Variants in HAVCR2 observed in about 807,000 individuals in gnomAD.
The protein encoded by HAVCR2 is hepatitis A virus cellular receptor 2, also known as T cell immunoglobulin mucin 3.
In HAVCR2, 13 loss-of-function variants were observed where a neutral mutation model predicts 24.7. The observed-to-expected ratio is 0.53, with a 90% CI of 0.34 to 0.84. The LOEUF (loss-of-function observed/expected upper bound fraction) is 0.84, where lower values mean the gene tolerates loss of function less well. Ranked by LOEUF, HAVCR2 falls within the 40% of genes least tolerant of loss-of-function variation. The pLI is 0.01. For synonymous variants in HAVCR2, 154 were observed against 143.4 expected, an observed-to-expected ratio of 1.07 and a Z score of -0.53; for missense variants, 343 against 371.2, an observed-to-expected ratio of 0.92 and a Z score of 0.62.
rs372946929 is a variant in HAVCR2 at position 157,106,756 on chromosome 5, G to A, written c.265C>T (p.Arg89Cys). The part of the protein sequence containing the change: ...TSRYWLNGDF[R>C]KGDVSLTIEN... ...ATGGTCAGGGACACATCTCCTTTGC[G>A]GAAATCCCCATTTAGCCAGTATCTG... The change falls in exon 2 of 7, where the codon CGC (arginine) becomes TGC (cysteine). Residue 89 changes from arginine (R) to cysteine (C), a missense_variant. By Grantham distance (180) the Arg-to-Cys change is radical. Transcript: ENST00000307851. The A allele has an allele frequency of 2.2e-5, 36 of 1,613,996 alleles. No homozygotes were observed. The highest frequency in any genetic ancestry group is 7.7e-5 in the South Asian group (7 of 91,080).
Position 157,106,944 on chromosome 5 carries a change from T to A in HAVCR2, c.77A>T (p.Tyr26Phe), listed in dbSNP as rs1247312085. Residue 26 changes from tyrosine (Y) to phenylalanine (F), a missense_variant, in exon 2 of 7, where the codon TAC (tyrosine) becomes TTC (phenylalanine). Tyr to Phe is a conservative substitution (Grantham distance 22, BLOSUM62 3). Transcript: ENST00000307851. ...GGCATTCTGACCGACCTCCGCTCTG[T>A]ATTCCACTTCTGAGGACCCTGCATA... ...LLLTRSSEVE[Y>F]RAEVGQNAYL... The A allele has an allele frequency of 3.1e-6, 5 of 1,613,492 alleles. No individual in the cohort carries two copies. The highest frequency in any genetic ancestry group is 4.2e-6 in the Non-Finnish European group (5 of 1,179,706).
In HAVCR2 at chr5:157,085,976, C is replaced by T. The variant is rs1756906599; in HGVS notation, c.*1126G>A. On this transcript the variant is annotated 3_prime_UTR_variant, in exon 7 of 7. Transcript: ENST00000307851. ...CCACTCTCTGTCAAAGGATCCAGCG[C>T]TGGTAATATAGATTGCTGAAGGCCT... 2.0e-5 allele frequency: 3 copies of T among 152,330 alleles called. No individual in the cohort carries two copies. In the South Asian group the frequency reaches 6.2e-4, roughly 32 times the overall value. The allele number at this position is 152,330 out of a possible 1,614,324, so 9.4% of individuals were successfully genotyped here.
At chr5:157,098,661 C>G (rs1757127143) in intron 4 of HAVCR2, among the ~76,000 whole-genome samples, 197 bp downstream of exon 4, 1 of 152,094 alleles carries the variant, frequency 6.6e-6, no homozygotes. Flanking sequence ...GCACTTTACA[C>G]ACATCATGTC....
chr5:157,088,922 C>T lies in HAVCR2; in HGVS notation c.713+19G>A, dbSNP rs1756953253. 5.0e-6 allele frequency: 8 copies of T among 1,603,976 alleles called. No homozygotes were observed. The East Asian group carries it at 1.6e-4, about 31-fold the overall frequency. ...TCCAAGATTCTCACCTTTTCCCAAC[C>T]CCATTCCATTATTCTTACCTTAAAT... On this transcript the variant is annotated intron_variant, in intron 6 of 6. Coordinates refer to ENST00000307851, the MANE Select transcript of HAVCR2 (RefSeq NM_032782.5).
chr5:157,106,925 C>T lies in HAVCR2; in HGVS notation c.96G>A (p.Gln32=). The change falls in exon 2 of 7, where the codon CAG becomes CAA. Residue 32 remains glutamine (Q), a synonymous_variant. Transcript: ENST00000307851. ...SEVEYRAEVG[Q]NAYLPCFYTP... The stretch of plus-strand genomic sequence containing the variant: ...TGTAGAAGCAGGGCAGATAGGCATT[C>T]TGACCGACCTCCGCTCTGTATTCCA... 1 of 1,614,092 alleles carries T rather than the reference C, an allele frequency of 6.2e-7. No individual in the cohort carries two copies. Among genetic ancestry groups the T allele is most frequent in the Non-Finnish European group, 8.5e-7 (1 of 1,179,984 alleles).
intron 3 of HAVCR2, among the ~76,000 whole-genome samples, chr5:157,102,164 T>C (rs1192326382): frequency 6.6e-6 from 1 of 152,020 alleles, no homozygotes; most frequent in Non-Finnish European, 1.5e-5. Context: ...CTTAAACTCC[T>C]GACCTCAGGT....
intron 5 of HAVCR2, among the ~76,000 whole-genome samples, chr5:157,092,617 T>C (rs1046183237): frequency 6.6e-6 from 1 of 151,776 alleles, no homozygotes; most frequent in Non-Finnish European, 1.5e-5. Flanking sequence ...CGGCTAATTT[T>C]GTATTTTTAG....
chr5:157,100,267 A>C (rs2113691608), intron 3 of HAVCR2, among the ~76,000 whole-genome samples: 1 of 152,364 alleles, frequency 6.6e-6, no homozygotes, highest in East Asian at 1.9e-4. Context: ...CACATGACTT[A>C]GCAAATGACA....
intron 4 of HAVCR2, among the ~76,000 whole-genome samples, chr5:157,097,047 A>G (rs1757104239): frequency 6.6e-6 from 1 of 152,040 alleles, no homozygotes; most frequent in Admixed American, 6.6e-5. Context: ...AAATTGATTC[A>G]ATACACATTA....
rs556821477 is a variant in HAVCR2, at chr5:157,097,662, C to T, written c.522+1196G>A. ...TTGCCCAGGCTGGTGTGCAGTGGCG[C>T]GACCTCAGCTCACTGCAACCTCCAC... On this transcript the variant is annotated intron_variant, in intron 4 of 6. Transcript: ENST00000307851. Among the ~76,000 whole-genome samples, 9 of 152,122 alleles carry T rather than the reference C, an allele frequency of 5.9e-5. No homozygotes were observed. In the South Asian group the frequency reaches 1.5e-3, roughly 25 times the overall value.
rs535257149 is a variant in HAVCR2, at chr5:157,101,860, A to C, written c.478+2806T>G. ...CACCAACTCGGCTCAGTGAATCCTC[A>C]ACCTCCTGAGTTCAAGCAATCTTCC... On this transcript the variant is annotated intron_variant, in intron 3 of 6. Transcript: ENST00000307851. Among the ~76,000 whole-genome samples the C allele has an allele frequency of 5.4e-5, 8 of 148,086 alleles. 1 individual carries two copies. In the East Asian group the frequency reaches 1.4e-3, roughly 26 times the overall value.
At chr5:157,099,382 A>G (rs1757139609) in intron 3 of HAVCR2, among the ~76,000 whole-genome samples, 1 of 149,756 alleles carries the variant, frequency 6.7e-6, no homozygotes, top group South Asian at 2.1e-4. Context: ...TCATCCTCCC[A>G]AGTAGCTGGG....
intron 1 of HAVCR2, among the ~76,000 whole-genome samples, chr5:157,107,868 C>T (rs539709777): frequency 1.3e-5 from 2 of 149,660 alleles, no homozygotes; most frequent in African/African-American, 2.5e-5. Flanking sequence ...TGCCCCCCCC[C>T]CTTTTTTATG....
At chr5:157,106,316 G>C (rs1481813436) in intron 2 of HAVCR2, 4 of 249,920 alleles carry the variant, frequency 1.6e-5, no homozygotes, top group Non-Finnish European at 2.3e-5. Context: ...ATTTTTAGTG[G>C]AGACAAGGTT....
intron 2 of HAVCR2, among the ~76,000 whole-genome samples, chr5:157,105,912 A>G (rs908465113): frequency 6.6e-6 from 1 of 152,134 alleles, no homozygotes; most frequent in Non-Finnish European, 1.5e-5. Flanking sequence ...TAGCCACAGT[A>G]TATCAGCCAG....
At chr5:157,091,871 T>C (rs912133682) in intron 5 of HAVCR2, among the ~76,000 whole-genome samples, 1 of 152,174 alleles carries the variant, frequency 6.6e-6, no homozygotes, top group African/African-American at 2.4e-5. Flanking sequence ...ACTAGAAAGA[T>C]GGAAGATTGT....
chr5:157,104,827 G>GA, intron 2 of HAVCR2, 78 bp from the exon 3 acceptor site: 7 of 1,014,978 alleles, frequency 6.9e-6, no homozygotes, highest in Non-Finnish European at 7.4e-6. Flanking sequence ...GGGGCAGCAA[G>GA]AAAAAAATGC....
chr5:157,095,213 G>T (rs1757077166), intron 5 of HAVCR2, 93 bp downstream of exon 5: 2 of 1,323,024 alleles, frequency 1.5e-6, no homozygotes, highest in African/African-American at 1.5e-5. Flanking sequence ...ATCATCTTTG[G>T]GTATAAACAT....
chr5:157,101,349 G>C (rs561694803), intron 3 of HAVCR2, among the ~76,000 whole-genome samples: 3 of 152,282 alleles, frequency 2.0e-5, no homozygotes, highest in Non-Finnish European at 2.9e-5. Context: ...CAGTTGAAGG[G>C]AGTGGCAATG....
Sources: allele counts gnomAD v4.1 joint callset (sites outside exome capture counted in the v4.1 genomes callset), GRCh38; gene constraint gnomAD v4.1.1; transcripts MANE v1.5; gene names NCBI Gene and HGNC (gene_info 2026-07-23, HGNC 2026-07-21).